The following DECR2 variants were observed in gnomAD, a reference collection of about 807,000 sequenced individuals.
DECR2 encodes 2,4-dienoyl-CoA reductase 2.
Under a neutral mutation model 29.2 loss-of-function variants are expected in DECR2, and 34 were observed. The observed-to-expected ratio is 1.16, with a 90% CI of 0.89 to 1.55. DECR2 has a LOEUF of 1.55. Ranked by LOEUF, DECR2 falls within the 40% of genes most tolerant of loss-of-function variation. DECR2 has a pLI of 0.00. For synonymous variants in DECR2, 224 were observed against 182.7 expected (o/e 1.23, Z -1.82); for missense variants, 485 against 425.3 (o/e 1.14, Z -1.23).
intron 2 of DECR2, 46 bp from the exon 3 acceptor site, chr16:406,300 G>T: frequency 6.3e-7 from 1 of 1,591,998 alleles, no homozygotes. Context: ...TGCCCCGGGA[G>T]TGCCCCTCGC....
chr16:411,547 C>G lies in DECR2; in HGVS notation c.848C>G (p.Pro283Arg). Reference sequence around the variant, plus strand: ...TTCCCAAACGGTGTCAAAGGGCTGCCGGATTTCGCATCCTTCTCTGCTAAG... The same window carrying G: ...TTCCCAAACGGTGTCAAAGGGCTGCGGGATTTCGCATCCTTCTCTGCTAAG... ...LTFPNGVKGL[P>R]DFASFSAKL The change falls in exon 8 of 9, where the codon CCG (proline) becomes CGG (arginine). Residue 283 changes from proline (P) to arginine (R), a missense_variant. Coordinates refer to ENST00000219481, the MANE Select transcript of DECR2 (RefSeq NM_020664.4). The G allele has an allele frequency of 1.2e-6, 2 of 1,613,746 alleles. No homozygotes were observed. Among genetic ancestry groups the G allele is most frequent in the Non-Finnish European group, 1.7e-6 (2 of 1,179,830 alleles).
chr16:405,082 G>A, intron 2 of DECR2, 58 bp downstream of exon 2: 1 of 1,597,578 alleles, frequency 6.3e-7, no homozygotes. Flanking sequence ...GGGCCCTGCT[G>A]GATGCCCGAC....
At position 411,899 on chromosome 16, in the gene DECR2, G is replaced by A. The variant is rs973287441; in HGVS notation, c.*10G>A. 11 of 341,334 alleles carry A rather than the reference G, an allele frequency of 3.2e-5. No individual in the cohort carries two copies. Among genetic ancestry groups the A allele is most frequent in the South Asian group, 1.2e-4 (2 of 16,492 alleles). 21.1% of individuals were successfully genotyped at this position (341,334 alleles called of 1,614,324 possible). Reference sequence around the variant, plus strand: ...TCTGAAACTCCTGCAGGAATCTTCCGGCCGCTGCTTCCTGCCGCCTCACTC... The same window carrying A: ...TCTGAAACTCCTGCAGGAATCTTCCAGCCGCTGCTTCCTGCCGCCTCACTC... On this transcript the variant is annotated 3_prime_UTR_variant, in exon 9 of 9. Transcript: ENST00000219481.
intron 3 of DECR2, 123 bp from the exon 4 acceptor site, chr16:407,302 G>A: frequency 6.8e-7 from 1 of 1,473,804 alleles, no homozygotes; most frequent in Non-Finnish European, 8.9e-7. Context: ...CCCCAGAGTG[G>A]GGTCCAGCAG....
Position 402,045 on chromosome 16 carries a change from T to C in DECR2, c.80+2T>C. The C allele has an allele frequency of 7.0e-7, 1 of 1,425,788 alleles. No individual in the cohort carries two copies. The highest frequency in any genetic ancestry group is 1.4e-5 in the South Asian group (1 of 71,236). 88.3% of individuals were successfully genotyped at this position (1,425,788 alleles called of 1,614,324 possible). A position where few individuals can be genotyped will look rare whatever the true frequency, so the allele number is the denominator to read the frequency against. On this transcript the variant is annotated splice_donor_variant, in intron 1 of 8. Transcript: ENST00000219481. LOFTEE classifies it high-confidence loss of function. Reference sequence around the variant, plus strand: ...CCTCTTCTGCCCGGACCTGCTGCGGTGAGCGGGGCCTGGGAAGCGAGCGCA... The same window carrying C: ...CCTCTTCTGCCCGGACCTGCTGCGGCGAGCGGGGCCTGGGAAGCGAGCGCA...
At chr16:409,131 C>G (rs2054779227) in intron 4 of DECR2, among the ~76,000 whole-genome samples, 1 of 151,298 alleles carries the variant, frequency 6.6e-6, no homozygotes, top group South Asian at 2.1e-4. Context: ...CGCGCCTGGC[C>G]CCCAGCTTTT....
In DECR2 at chr16:402,021, C is replaced by A. The variant is rs750959238; in HGVS notation, c.58C>A (p.Leu20Ile). 2.0e-6 allele frequency: 3 copies of A among 1,484,996 alleles called. No homozygotes were observed. The highest frequency in any genetic ancestry group is 2.7e-6 in the Non-Finnish European group (3 of 1,124,276). The allele number at this position is 1,484,996 out of a possible 1,614,324, so 92.0% of individuals were successfully genotyped here. A position where few individuals can be genotyped will look rare whatever the true frequency, so the allele number is the denominator to read the frequency against. The change falls in exon 1 of 9, where the codon CTC becomes ATC. Residue 20 changes from leucine (L) to isoleucine (I), a missense_variant. Transcript: ENST00000219481. ...GDDCLPAYRH[L>I]FCPDLLRDKV... Reference sequence around the variant, plus strand: ...CGACTGTCTCCCCGCGTACCGCCACCTCTTCTGCCCGGACCTGCTGCGGTG... The same window carrying A: ...CGACTGTCTCCCCGCGTACCGCCACATCTTCTGCCCGGACCTGCTGCGGTG...
chr16:410,167 C>G lies in DECR2; in HGVS notation c.338-76C>G. 6.4e-7 allele frequency: 1 copy of G among 1,559,534 alleles called. No homozygotes were observed. The highest frequency in any genetic ancestry group is 8.7e-7 in the Non-Finnish European group (1 of 1,151,072). ...TGGGCTCCCTCCTGCACCCTCCGCT[C>G]TGCCCACCTGGCCACCACCCACTTG... On this transcript the variant is annotated intron_variant, in intron 4 of 8. Coordinates refer to ENST00000219481, the MANE Select transcript of DECR2 (RefSeq NM_020664.4). The surrounding 1 kb of genome is among the most constrained non-coding windows in gnomAD (Gnocchi z 4.1).
chr16:403,037 C>T, intron 1 of DECR2: 1 of 984,844 alleles, frequency 1.0e-6, no homozygotes, highest in Non-Finnish European at 1.2e-6. Flanking sequence ...ACAATTCTCT[C>T]TGAGTGTTCT....
rs9924748 is a variant in DECR2 at position 410,583 on chromosome 16, G to A, written c.463-108G>A. The A allele has an allele frequency of 5.6e-5, 77 of 1,377,676 alleles. 2 individuals carry two copies. In the East Asian group the frequency reaches 1.9e-3, roughly 33 times the overall value. 85.3% of individuals were successfully genotyped at this position (1,377,676 alleles called of 1,614,324 possible). ...TCCCTGCCCTGGGCCTCCCCCTGAC[G>A]GCCGCCCGCTCCCTGCCCCGGGCCT... On this transcript the variant is annotated intron_variant, in intron 5 of 8. Coordinates refer to ENST00000219481, the MANE Select transcript of DECR2 (RefSeq NM_020664.4). The surrounding 1 kb of genome is among the most constrained non-coding windows in gnomAD (Gnocchi z 4.1).
chr16:405,633 A>G, intron 2 of DECR2: 1 of 1,294,076 alleles, frequency 7.7e-7, no homozygotes, highest in Non-Finnish European at 1.0e-6. Context: ...AAACCAAAGA[A>G]CAAGGCAGAC....
intron 2 of DECR2, chr16:405,492 C>T: frequency 2.3e-6 from 3 of 1,289,410 alleles, no homozygotes; most frequent in South Asian, 1.3e-5. Flanking sequence ...ATGGCCTTTC[C>T]ACTGGTGGCT....
chr16:411,142 C>T (rs2054814112), intron 7 of DECR2, 66 bp downstream of exon 7: 10 of 1,403,244 alleles, frequency 7.1e-6, no homozygotes, highest in Non-Finnish European at 9.4e-6. Context: ...GCCCATGAAG[C>T]TTCCAGAACC....
In DECR2 at chr16:410,266, C is replaced by T. The variant is rs2054794584; in HGVS notation, c.361C>T (p.Pro121Ser). 1.2e-6 allele frequency: 2 copies of T among 1,613,352 alleles called. No homozygotes were observed. The highest frequency in any genetic ancestry group is 1.3e-5 in the African/African-American group (1 of 74,906). Reference protein sequence around the residue: ...INCAAGNFLCPAGALSFNAFK... With the variant: ...INCAAGNFLCSAGALSFNAFK... ...AGGTGCGGCCGGGAACTTCCTGTGC[C>T]CCGCTGGCGCCTTGTCCTTCAACGC... The change falls in exon 5 of 9, where the codon CCC becomes TCC. Residue 121 changes from proline (P) to serine (S), a missense_variant. Transcript: ENST00000219481. The surrounding 1 kb of genome is among the most constrained non-coding windows in gnomAD (Gnocchi z 4.1).
intron 4 of DECR2, among the ~76,000 whole-genome samples, chr16:407,943 GCC>G (rs2054751853): frequency 6.0e-5 from 4 of 66,354 alleles, no homozygotes; most frequent in African/African-American, 1.3e-4. Flanking sequence ...CTGTCTCCGG[GCC>G]CCTGTCTCCA....
At position 410,497 on chromosome 16, in the gene DECR2, G is replaced by GCCT. The variant is rs2054800750; in HGVS notation, c.462+130_462+131insCCT. The GCCT allele has an allele frequency of 6.3e-6, 9 of 1,430,866 alleles. No individual in the cohort carries two copies. The highest frequency in any genetic ancestry group is 5.3e-5 in the East Asian group (2 of 37,540). The allele number at this position is 1,430,866 out of a possible 1,614,324, so 88.6% of individuals were successfully genotyped here. A position where few individuals can be genotyped will look rare whatever the true frequency, so the allele number is the denominator to read the frequency against. On this transcript the variant is annotated intron_variant, in intron 5 of 8. Transcript: ENST00000219481. This position sits in a 1 kb window ranked among gnomAD's most constrained non-coding sequence, Gnocchi z 4.1. Reference sequence around the variant, plus strand: ...CTTCCGGGTGGGTGTACTCCCAGCGGGGGCCTCCCCCTGACGGCCGCCCGC... The same window carrying GCCT: ...CTTCCGGGTGGGTGTACTCCCAGCGGCCTGGGCCTCCCCCTGACGGCCGCCCGC...
chr16:408,909 G>C (rs2141814359), intron 4 of DECR2, among the ~76,000 whole-genome samples: 1 of 150,176 alleles, frequency 6.7e-6, no homozygotes, highest in South Asian at 2.1e-4. Context: ...TCAGCTTACA[G>C]CACCCTCCGC....
At position 411,406 on chromosome 16, in the gene DECR2, T is replaced by C. The variant is rs2054817361; in HGVS notation, c.707T>C (p.Leu236Pro). 1.2e-6 allele frequency: 2 copies of C among 1,612,720 alleles called. No homozygotes were observed. The highest frequency in any genetic ancestry group is 1.7e-6 in the Non-Finnish European group (2 of 1,179,958). The stretch of plus-strand genomic sequence containing the variant: ...AGCACCAAGGTCACTGCCAGCCCGC[T>C]GCAGAGGCTGGGGAACAAGACCGAG... ...SLSTKVTASP[L>P]QRLGNKTEIA... The change falls in exon 8 of 9, where the codon CTG (leucine) becomes CCG (proline). Residue 236 changes from leucine (L) to proline (P), a missense_variant. By Grantham distance (98) the Leu-to-Pro change is moderately conservative. Transcript: ENST00000219481.
chr16:407,211 G>A, intron 3 of DECR2: 1 of 1,392,498 alleles, frequency 7.2e-7, no homozygotes, highest in East Asian at 2.6e-5. Context: ...GAGGATTCTA[G>A]GACAGGTGGC....
Sources: gnomAD v4.1 joint callset for allele counts (sites outside exome capture counted in the v4.1 genomes callset) on GRCh38, gnomAD v4.1.1 for gene constraint, Gnocchi (gnomAD v3.1) non-coding constraint, MANE v1.5 for transcripts, NCBI Gene and HGNC (gene_info 2026-07-23, HGNC 2026-07-21) for gene names.